MICU2: variants seen among roughly 807,000 people sequenced by gnomAD.
MICU2 encodes the protein calcium uptake protein 2, mitochondrial.
In MICU2, 64 loss-of-function variants were observed where a neutral mutation model predicts 60.4. That is an observed-to-expected ratio of 1.06 (90% CI 0.87 to 1.31). The LOEUF (loss-of-function observed/expected upper bound fraction) is 1.31. MICU2 is among the 50% of genes most tolerant of loss of function. The pLI is 0.00. For missense variants in MICU2, 569 were observed against 531.0 expected (o/e 1.07, Z -0.70); for synonymous variants, 201 against 175.0 (o/e 1.15, Z -1.17).
At chr13:21,526,368 A>C (rs2138173956) in intron 4 of MICU2, among the ~76,000 whole-genome samples, 1 of 152,192 alleles carries the variant, frequency 6.6e-6, no homozygotes, top group East Asian at 1.9e-4. Flanking sequence ...AATTTCTAAT[A>C]GTCTATAAAA....
At chr13:21,511,068 C>A (rs1021050906) in intron 7 of MICU2, among the ~76,000 whole-genome samples, 2 of 151,998 alleles carry the variant, frequency 1.3e-5, no homozygotes, top group Admixed American at 1.3e-4. Flanking sequence ...GTGGGATATA[C>A]CTTGGAGGGT....
intron 2 of MICU2, among the ~76,000 whole-genome samples, chr13:21,551,622 G>A (rs1200385040): frequency 3.2e-5 from 4 of 126,154 alleles, no homozygotes; most frequent in African/African-American, 1.3e-4. Context: ...GGTGTGTGAT[G>A]TTCCCCTTCC....
intron 2 of MICU2, among the ~76,000 whole-genome samples, chr13:21,550,606 T>C (rs1887534026): frequency 6.6e-6 from 1 of 152,144 alleles, no homozygotes; most frequent in African/African-American, 2.4e-5. Flanking sequence ...ATAACGCTCA[T>C]TATAAAACGT....
chr13:21,537,469 CT>C (rs60479087), intron 4 of MICU2, among the ~76,000 whole-genome samples: 112,585 of 124,106 alleles, frequency 0.91, 51,039 homozygotes, highest in East Asian at 0.98. Context: ...TTCTTTCTTT[CT>C]TTTTTTTTTT....
chr13:21,503,392 G>A (rs1367229748), intron 8 of MICU2, among the ~76,000 whole-genome samples: 1 of 152,116 alleles, frequency 6.6e-6, no homozygotes, highest in Non-Finnish European at 1.5e-5. Flanking sequence ...TATGTCAAAT[G>A]TTGCTTTGAT....
intron 4 of MICU2, among the ~76,000 whole-genome samples, chr13:21,525,670 T>C (rs1216141074): frequency 6.6e-6 from 1 of 151,972 alleles, no homozygotes; most frequent in Non-Finnish European, 1.5e-5. Context: ...TCCCTGATGA[T>C]TAGTGACGTT....
chr13:21,531,192 A>G (rs149627347), intron 4 of MICU2: 11,715 of 947,194 alleles, frequency 0.012, 99 homozygotes, highest in Non-Finnish European at 0.017. Context: ...CATTCTTAAT[A>G]AAGCATTAGA....
chr13:21,558,479 G>A (rs936736805), intron 2 of MICU2, among the ~76,000 whole-genome samples: 1 of 152,188 alleles, frequency 6.6e-6, no homozygotes, highest in Non-Finnish European at 1.5e-5. Context: ...ATTTGTTAAT[G>A]TCCTCCCAAT....
intron 1 of MICU2, among the ~76,000 whole-genome samples, chr13:21,574,468 T>C (rs1162133881): frequency 6.6e-6 from 1 of 152,228 alleles, no homozygotes; most frequent in African/African-American, 2.4e-5. Flanking sequence ...AAAGAGATCT[T>C]TGAAAGCTGA....
chr13:21,509,967 A>G, intron 8 of MICU2, 37 bp downstream of exon 8: 1 of 1,232,894 alleles, frequency 8.1e-7, no homozygotes, highest in Non-Finnish European at 1.1e-6. Flanking sequence ...TCTTACCCAT[A>G]AAATTTCCCT....
intron 2 of MICU2, among the ~76,000 whole-genome samples, chr13:21,555,085 A>C (rs1220724990): frequency 6.6e-6 from 1 of 152,242 alleles, no homozygotes; most frequent in Non-Finnish European, 1.5e-5. Flanking sequence ...GAATTCTACC[A>C]GAGGTACAAG....
chr13:21,498,575 C>CA (rs1340437746), intron 9 of MICU2, among the ~76,000 whole-genome samples: 3 of 151,976 alleles, frequency 2.0e-5, no homozygotes. Context: ...GATGGGGTTT[C>CA]ACCATATTGG....
chr13:21,528,584 A>G (rs913664613), intron 4 of MICU2, among the ~76,000 whole-genome samples: 1 of 152,196 alleles, frequency 6.6e-6, no homozygotes, highest in South Asian at 2.1e-4. Flanking sequence ...ACAATTTAAT[A>G]AACAATTCTA....
chr13:21,590,898 AAAG>A (rs1016999669), intron 1 of MICU2, among the ~76,000 whole-genome samples: 1 of 152,174 alleles, frequency 6.6e-6, no homozygotes, highest in Admixed American at 6.5e-5. Flanking sequence ...TAAATATGGA[AAAG>A]AAGAACTGAT....
chr13:21,508,708 T>C (rs1325801740), intron 8 of MICU2, among the ~76,000 whole-genome samples: 1 of 152,198 alleles, frequency 6.6e-6, no homozygotes, highest in Non-Finnish European at 1.5e-5. Flanking sequence ...CCATACACTT[T>C]CATGCCTCTA....
At chr13:21,559,242 G>A (rs1370842728) in intron 2 of MICU2, among the ~76,000 whole-genome samples, 1 of 152,204 alleles carries the variant, frequency 6.6e-6, no homozygotes, top group Admixed American at 6.5e-5. Context: ...GACCATCTAA[G>A]TTTGTTCACT....
At chr13:21,524,244 T>A (rs1355034456) in intron 4 of MICU2, among the ~76,000 whole-genome samples, 2 of 152,134 alleles carry the variant, frequency 1.3e-5, no homozygotes, top group African/African-American at 4.8e-5. Flanking sequence ...ATATGATGAA[T>A]AATTATATAT....
In MICU2 at chr13:21,579,432, G is replaced by T. The variant is rs540129560; in HGVS notation, c.211-12488C>A. Among the ~76,000 whole-genome samples, 29 of 149,628 alleles carry T rather than the reference G, an allele frequency of 1.9e-4. No individual in the cohort carries two copies. In the South Asian group the frequency reaches 2.3e-3, roughly 12 times the overall value. Reference sequence around the variant, plus strand: ...CTTGGCTCACTGCGACCTCTGCCTCGTGGGTTCAAGAGATTCTCCTGCCTC... The same window carrying T: ...CTTGGCTCACTGCGACCTCTGCCTCTTGGGTTCAAGAGATTCTCCTGCCTC... On this transcript the variant is annotated intron_variant, in intron 1 of 11. Transcript: ENST00000382374.
chr13:21,533,683 T>C (rs1367383208), intron 4 of MICU2, among the ~76,000 whole-genome samples: 1 of 152,150 alleles, frequency 6.6e-6, no homozygotes, highest in Non-Finnish European at 1.5e-5. Flanking sequence ...CAGATTTTTC[T>C]TCTTCAATTA....
Sources: gnomAD v4.1 joint callset for allele counts (sites outside exome capture counted in the v4.1 genomes callset) on GRCh38, gnomAD v4.1.1 for gene constraint, MANE v1.5 for transcripts, NCBI Gene and HGNC (gene_info 2026-07-23, HGNC 2026-07-21) for gene names.